ACSL6: variants seen among roughly 807,000 people sequenced by gnomAD.
The protein encoded by ACSL6 is acyl-CoA synthetase long chain family member 6.
A neutral mutation model predicts 98.2 loss-of-function variants in ACSL6; 47 were observed. The ratio of observed to expected loss-of-function variants is 0.48; its 90% confidence interval spans 0.38 to 0.61. ACSL6 has a LOEUF of 0.61. Among genes scored for constraint, ACSL6 ranks in the 20% least tolerant of loss-of-function variants. The pLI, the probability that ACSL6 is intolerant of heterozygous loss-of-function variation, is 0.00. For missense variants in ACSL6, 761 were observed against 913.4 expected (o/e 0.83, Z 2.15); for synonymous variants, 362 against 336.9 (o/e 1.07, Z -0.82).
upstream of ACSL6, chr5:132,012,187 C>A: frequency 2.3e-6 from 1 of 441,526 alleles, no homozygotes; most frequent in Non-Finnish European, 4.0e-6. Context: ...CGGGTGCCAC[C>A]TCTGCAAACC....
rs1242185773 is a variant in ACSL6, at chr5:131,976,129, G to C, written c.990+519C>G. The C allele has an allele frequency of 1.1e-5, 11 of 985,310 alleles. No homozygotes were observed. The African/African-American group carries it at 1.6e-4, about 14-fold the overall frequency. 61.0% of individuals were successfully genotyped at this position (985,310 alleles called of 1,614,324 possible). On this transcript the variant is annotated intron_variant, in intron 10 of 20. Coordinates refer to ENST00000651883, the MANE Select transcript of ACSL6 (RefSeq NM_001009185.3). ...CTCCTTTGTTAGCCAGTTATAAAAT[G>C]CTAACATGCTTTGGTCAGGCCAAGA...
At chr5:131,981,872 T>A (rs1753911600) in intron 9 of ACSL6, 1 of 152,336 alleles carries the variant, frequency 6.6e-6, no homozygotes, top group South Asian at 2.1e-4. Flanking sequence ...TTTTCTTTTT[T>A]TTTGTGATGG....
chr5:131,997,734 C>T (rs1754865485), intron 1 of ACSL6, among the ~76,000 whole-genome samples: 1 of 152,252 alleles, frequency 6.6e-6, no homozygotes, highest in South Asian at 2.1e-4. Context: ...GCAACTTCTA[C>T]TTAGGTGCTC....
At chr5:131,976,818 C>A in intron 9 of ACSL6, 97 bp from the exon 10 acceptor site, 1 of 965,944 alleles carries the variant, frequency 1.0e-6, no homozygotes, top group Non-Finnish European at 1.7e-6. Context: ...CCCATGCTGT[C>A]TACCCAAGCC....
chr5:132,000,449 G>C (rs1475071897), intron 1 of ACSL6, among the ~76,000 whole-genome samples: 1 of 151,474 alleles, frequency 6.6e-6, no homozygotes, highest in African/African-American at 2.4e-5. Context: ...ACCTCTGCCA[G>C]ACTGAGAGAC....
intron 20 of ACSL6, among the ~76,000 whole-genome samples, chr5:131,957,204 G>C (rs1752458181): frequency 6.6e-6 from 1 of 152,136 alleles, no homozygotes; most frequent in Non-Finnish European, 1.5e-5. Context: ...AATTACATGA[G>C]TTAGGGAAAT....
intron 20 of ACSL6, among the ~76,000 whole-genome samples, chr5:131,956,430 C>T (rs577535650): frequency 6.6e-6 from 1 of 152,282 alleles, no homozygotes; most frequent in Admixed American, 6.5e-5. Flanking sequence ...TCATTAAATA[C>T]AGCCTTGCAG....
chr5:131,961,059 C>G (rs1387675961), intron 18 of ACSL6: 1 of 157,702 alleles, frequency 6.3e-6, no homozygotes, highest in Non-Finnish European at 1.4e-5. Context: ...AGGTTTCACT[C>G]TGTTGCCTAG....
rs374099994 is a variant in ACSL6, at chr5:131,954,185, A to G, written c.*49T>C. On this transcript the variant is annotated 3_prime_UTR_variant, in exon 21 of 21. Coordinates refer to ENST00000651883, the MANE Select transcript of ACSL6 (RefSeq NM_001009185.3). Reference sequence around the variant, plus strand: ...TGACTCATTACTTTCAAGAATAACTATAATATTGCTAGACAGTTCATTACA... The same window carrying G: ...TGACTCATTACTTTCAAGAATAACTGTAATATTGCTAGACAGTTCATTACA... The G allele has an allele frequency of 3.3e-6, 5 of 1,524,584 alleles. No individual in the cohort carries two copies. Among genetic ancestry groups the G allele is most frequent in the South Asian group, 1.3e-5 (1 of 74,394 alleles). The allele number at this position is 1,524,584 out of a possible 1,614,324, so 94.4% of individuals were successfully genotyped here.
At chr5:131,980,801 T>C (rs2126857984) in intron 9 of ACSL6, among the ~76,000 whole-genome samples, 1 of 152,242 alleles carries the variant, frequency 6.6e-6, no homozygotes, top group East Asian at 1.9e-4. Flanking sequence ...GTCACTCTCC[T>C]GTCAAGTGCC....
At chr5:131,996,414 T>C (rs1379811642) in intron 1 of ACSL6, among the ~76,000 whole-genome samples, 1 of 152,196 alleles carries the variant, frequency 6.6e-6, no homozygotes, top group Admixed American at 6.5e-5. Flanking sequence ...ATCAGATAAA[T>C]GACTCACTAC....
chr5:131,952,774 C>T lies in ACSL6; in HGVS notation c.*1460G>A, dbSNP rs777795928. The T allele has an allele frequency of 1.4e-5, 3 of 218,624 alleles. No homozygotes were observed. The highest frequency in any genetic ancestry group is 2.8e-5 in the Non-Finnish European group (3 of 108,926). 13.5% of individuals were successfully genotyped at this position (218,624 alleles called of 1,614,324 possible). A position where few individuals can be genotyped will look rare whatever the true frequency, so the allele number is the denominator to read the frequency against. On this transcript the variant is annotated 3_prime_UTR_variant, in exon 21 of 21. Transcript: ENST00000651883. ...AGGTTTTAGTGGTTAAACTTCGGCA[C>T]GCTTAAAGATTTTAGGAATGTAATT... is the stretch of plus-strand genomic sequence containing the variant.
rs770732450 is a variant in ACSL6, at chr5:131,990,928, G to A, written c.310C>T (p.Pro104Ser). 1.9e-6 allele frequency: 3 copies of A among 1,614,010 alleles called. No homozygotes were observed. The East Asian group carries it at 6.7e-5, about 36-fold the overall frequency. Residue 104 changes from proline (P) to serine (S), a missense_variant, in exon 3 of 21, where the codon CCT becomes TCT. Transcript: ENST00000651883. ...GARRSVIGSGPQLLTHYYDDA... is the reference protein window; with the variant it reads ...GARRSVIGSGSQLLTHYYDDA... ...TCATAGTAGTGGGTAAGTAGCTGAG[G>A]GCCAGACCCAATCACAGATCGCCGT...
intron 6 of ACSL6, 130 bp from the exon 7 acceptor site, chr5:131,988,356 T>C (rs912509919): frequency 6.2e-5 from 81 of 1,296,816 alleles, no homozygotes; most frequent in Non-Finnish European, 7.0e-5. Flanking sequence ...TGTAAATAAA[T>C]ACATAAGACA....
chr5:131,967,816 T>C, intron 16 of ACSL6, 124 bp downstream of exon 16: 3 of 809,696 alleles, frequency 3.7e-6, no homozygotes, highest in African/African-American at 1.7e-5. Flanking sequence ...CTGAGTCAAA[T>C]TAATCAGTAG....
At chr5:131,993,884 G>A in intron 2 of ACSL6, 147 bp downstream of exon 2, 1 of 775,416 alleles carries the variant, frequency 1.3e-6, no homozygotes, top group Non-Finnish European at 2.1e-6. Flanking sequence ...GCCCAAGGCT[G>A]CTGCAGAGCT....
At chr5:132,011,811 C>G (rs531898878), upstream of ACSL6, 21 of 1,479,766 alleles carry the variant, frequency 1.4e-5, no homozygotes, top group African/African-American at 2.6e-4. The surrounding 1 kb of genome is among the most constrained non-coding windows in gnomAD (Gnocchi z 5.4). Flanking sequence ...GGGGCTTGCC[C>G]CGCACTGACC....
intron 20 of ACSL6, among the ~76,000 whole-genome samples, chr5:131,955,421 T>C (rs1017687209): frequency 6.6e-6 from 1 of 152,220 alleles, no homozygotes; most frequent in African/African-American, 2.4e-5. Context: ...AATTTGTTGT[T>C]ACAAAACATA....
chr5:131,971,380 G>A (rs1180395934), intron 14 of ACSL6, among the ~76,000 whole-genome samples, 170 bp downstream of exon 14: 1 of 152,184 alleles, frequency 6.6e-6, no homozygotes, highest in Non-Finnish European at 1.5e-5. Flanking sequence ...ATGTGGCAAT[G>A]CCATCCTGGC....
Sources: allele counts gnomAD v4.1 joint callset (sites outside exome capture counted in the v4.1 genomes callset), GRCh38; gene constraint gnomAD v4.1.1; non-coding constraint Gnocchi (gnomAD v3.1); transcripts MANE v1.5; gene names NCBI Gene and HGNC (gene_info 2026-07-23, HGNC 2026-07-21).